PRMT8: variants seen among roughly 807,000 people sequenced by gnomAD.
The protein encoded by PRMT8 is protein arginine methyltransferase 8.
A neutral mutation model predicts 47.1 loss-of-function variants in PRMT8; 7 were observed. That is an observed-to-expected ratio of 0.15 (90% CI 0.08 to 0.28). The LOEUF (loss-of-function observed/expected upper bound fraction) is 0.28. Ranked by LOEUF, PRMT8 falls within the 10% of genes least tolerant of loss-of-function variation. The pLI is 1.00. For missense variants in PRMT8, 237 were observed against 505.4 expected (o/e 0.47, Z 5.09); for synonymous variants, 188 against 186.5 (o/e 1.01, Z -0.07).
chr12:3,518,261 GAGA>G (rs1433510483), intron 1 of PRMT8, among the ~76,000 whole-genome samples: 1 of 152,144 alleles, frequency 6.6e-6, no homozygotes, highest in Admixed American at 6.5e-5. Context: ...AGAACAACGT[GAGA>G]AGGACATTAA....
intron 1 of PRMT8, among the ~76,000 whole-genome samples, chr12:3,416,551 G>C (rs1409855812): frequency 3.3e-5 from 5 of 152,238 alleles, no homozygotes; most frequent in Non-Finnish European, 5.9e-5. Context: ...TGGGCTGTTG[G>C]AAAGAAATGT....
intron 1 of PRMT8, among the ~76,000 whole-genome samples, chr12:3,537,426 AC>A (rs1302069440): frequency 6.6e-6 from 1 of 151,164 alleles, no homozygotes; most frequent in Admixed American, 6.6e-5. Context: ...AAGGGCATTA[AC>A]CTTTGTCTGC....
chr12:3,397,495 TG>T (rs982948976), intron 1 of PRMT8, among the ~76,000 whole-genome samples: 1 of 150,644 alleles, frequency 6.6e-6, no homozygotes, highest in Non-Finnish European at 1.5e-5. Context: ...CTGCCCCTGC[TG>T]GGGGGTGCCT....
intron 1 of PRMT8, among the ~76,000 whole-genome samples, chr12:3,516,872 G>A (rs1865800064): frequency 1.3e-5 from 2 of 151,800 alleles, no homozygotes; most frequent in Admixed American, 1.3e-4. Context: ...TTACCAGTCT[G>A]CAAAATAGCT....
chr12:3,447,158 G>A (rs545234636), intron 1 of PRMT8, among the ~76,000 whole-genome samples: 2 of 152,306 alleles, frequency 1.3e-5, no homozygotes, highest in East Asian at 3.9e-4. Context: ...AGGGGAAGGG[G>A]TGGCAGGAGC....
In PRMT8 at chr12:3,492,167, C is replaced by T. The variant is rs1865426118; in HGVS notation, c.75+467C>T. ...TCTCCTGCCGCTGCCTCAGCTTTAC[C>T]CTTCAAGCTCGAGTCGGTTCCCGAG... On this transcript the variant is annotated intron_variant, in intron 1 of 9. Transcript: ENST00000382622. The surrounding 1 kb of genome is among the most constrained non-coding windows in gnomAD (Gnocchi z 7.5). Among the ~76,000 whole-genome samples, 1 of 151,970 alleles carries T rather than the reference C, an allele frequency of 6.6e-6. No individual in the cohort carries two copies. The highest frequency in any genetic ancestry group is 1.5e-5 in the Non-Finnish European group (1 of 67,964).
In PRMT8 at chr12:3,458,242, G is replaced by A. The variant is rs982101642; in HGVS notation, c.48+76800G>A. Among the ~76,000 whole-genome samples the A allele has an allele frequency of 5.9e-5, 9 of 152,346 alleles. No individual in the cohort carries two copies. In the South Asian group the frequency reaches 1.7e-3, roughly 28 times the overall value. On this transcript the variant is annotated intron_variant, in intron 1 of 9. Coordinates refer to the PRMT8 transcript ENST00000452611. Reference sequence around the variant, plus strand: ...CTCAGTTTTCATGGTTAGAAAATATGATGGTCACATGCCAACAAAATTCTC... The same window carrying A: ...CTCAGTTTTCATGGTTAGAAAATATAATGGTCACATGCCAACAAAATTCTC...
intron 1 of PRMT8, among the ~76,000 whole-genome samples, chr12:3,452,296 G>A (rs1417617706): frequency 1.4e-5 from 2 of 146,916 alleles, no homozygotes; most frequent in Non-Finnish European, 3.0e-5. Context: ...ACCTGCACAT[G>A]TGCCCCTGAA....
At chr12:3,423,319 C>T (rs1018566613) in intron 1 of PRMT8, among the ~76,000 whole-genome samples, 84 of 152,278 alleles carry the variant, frequency 5.5e-4, no homozygotes, top group African/African-American at 1.8e-3. Flanking sequence ...AGTTTCTTGC[C>T]GGGCCAGAAT....
At chr12:3,511,187 T>A (rs1225816724) in intron 1 of PRMT8, among the ~76,000 whole-genome samples, 1 of 152,212 alleles carries the variant, frequency 6.6e-6, no homozygotes, top group Non-Finnish European at 1.5e-5. Context: ...GGTAGCTCCA[T>A]GCCTGTCTTC....
upstream of PRMT8, among the ~76,000 whole-genome samples, chr12:3,486,890 G>T (rs187622716): frequency 2.3e-4 from 35 of 152,362 alleles, no homozygotes; most frequent in Admixed American, 6.5e-4. Context: ...ATAACATTCT[G>T]GTTTTAATGG....
chr12:3,452,715 C>A (rs1198957158), intron 1 of PRMT8, among the ~76,000 whole-genome samples: 1 of 152,228 alleles, frequency 6.6e-6, no homozygotes, highest in African/African-American at 2.4e-5. Context: ...AGGACTTCTG[C>A]CTCACCAGGT....
intron 1 of PRMT8, among the ~76,000 whole-genome samples, chr12:3,412,607 T>C (rs936654642): frequency 1.3e-5 from 2 of 152,204 alleles, no homozygotes; most frequent in African/African-American, 4.8e-5. Context: ...TTTTTCTATT[T>C]AAAAATTCTC....
chr12:3,392,106 G>A (rs1431921769), intron 1 of PRMT8, among the ~76,000 whole-genome samples: 1 of 152,202 alleles, frequency 6.6e-6, no homozygotes, highest in Non-Finnish European at 1.5e-5. Flanking sequence ...GAGGCACACA[G>A]TGGCATCAGA....
At chr12:3,427,148 G>A (rs1414860163) in intron 1 of PRMT8, among the ~76,000 whole-genome samples, 2 of 151,940 alleles carry the variant, frequency 1.3e-5, no homozygotes, top group Non-Finnish European at 2.9e-5. Flanking sequence ...TTTTATATTT[G>A]ACAATGTTTT....
intron 1 of PRMT8, among the ~76,000 whole-genome samples, chr12:3,413,982 T>C (rs960318804): frequency 6.6e-6 from 1 of 152,122 alleles, no homozygotes; most frequent in South Asian, 2.1e-4. Flanking sequence ...CCCCCATAGA[T>C]ACAGAGGGAT....
chr12:3,488,635 A>G (rs1448405221), upstream of PRMT8, among the ~76,000 whole-genome samples: 3 of 152,254 alleles, frequency 2.0e-5, no homozygotes, highest in Non-Finnish European at 4.4e-5. Flanking sequence ...GCTAGTGCCT[A>G]TTAATGAGCT....
chr12:3,484,786 G>T (rs79504396), intron 1 of PRMT8, among the ~76,000 whole-genome samples: 1 of 152,212 alleles, frequency 6.6e-6, no homozygotes, highest in South Asian at 2.1e-4. Flanking sequence ...CCATTGGGAG[G>T]TTTTAAATGG....
chr12:3,506,807 G>A lies in PRMT8; in HGVS notation c.75+15107G>A, dbSNP rs1279257558. ...AAGCCTTGCTCAATTCCTACATGTTGATTACTGGACTGATTGGTGACTTTC... is the reference window on the plus strand; with the variant it reads ...AAGCCTTGCTCAATTCCTACATGTTAATTACTGGACTGATTGGTGACTTTC... On this transcript the variant is annotated intron_variant, in intron 1 of 9. Transcript: ENST00000382622. Among the ~76,000 whole-genome samples the A allele has an allele frequency of 2.6e-5, 4 of 152,136 alleles. No homozygotes were observed. The East Asian group carries it at 5.8e-4, about 22-fold the overall frequency.
Sources: gnomAD v4.1 joint callset for allele counts (sites outside exome capture counted in the v4.1 genomes callset) on GRCh38, gnomAD v4.1.1 for gene constraint, Gnocchi (gnomAD v3.1) non-coding constraint, MANE v1.5 for transcripts, NCBI Gene and HGNC (gene_info 2026-07-23, HGNC 2026-07-21) for gene names.